NEIL3: variants seen among roughly 807,000 people sequenced by gnomAD.
NEIL3 encodes the protein endonuclease 8-like 3.
In NEIL3, 48 loss-of-function variants were observed where a neutral mutation model predicts 57.5. The ratio of observed to expected loss-of-function variants is 0.83; its 90% CI spans 0.66 to 1.06. NEIL3 has a LOEUF of 1.06. NEIL3 is among the 50% of genes least tolerant of loss of function. The probability of loss-of-function intolerance (pLI) is 0.00; values close to 1 mark genes in which losing one functional copy is unlikely to be tolerated. For missense variants in NEIL3, 717 were observed against 739.1 expected (o/e 0.97, Z 0.35); for synonymous variants, 261 against 253.2 (o/e 1.03, Z -0.29).
the NEIL3 span, among the ~76,000 whole-genome samples, chr4:177,370,315 T>C: frequency 6.6e-6 from 1 of 152,178 alleles, no homozygotes; most frequent in Non-Finnish European, 1.5e-5. Flanking sequence ...TCTTTCTCTC[T>C]CTACTTCTTT....
At chr4:177,336,762 A>G (rs962903962) in intron 4 of NEIL3, among the ~76,000 whole-genome samples, 2 of 152,184 alleles carry the variant, frequency 1.3e-5, no homozygotes, top group East Asian at 3.8e-4. Flanking sequence ...ATATTTGTGG[A>G]ATATGTGAAT....
At chr4:177,328,301 A>G (rs1213201926) in intron 2 of NEIL3, among the ~76,000 whole-genome samples, 5 of 152,232 alleles carry the variant, frequency 3.3e-5, no homozygotes, top group Non-Finnish European at 5.9e-5. Flanking sequence ...AACAGAAGAC[A>G]TCTTTGGATT....
chr4:177,333,492 C>A (rs955992608), intron 2 of NEIL3, among the ~76,000 whole-genome samples: 2 of 152,146 alleles, frequency 1.3e-5, no homozygotes, highest in Non-Finnish European at 2.9e-5. Context: ...TTGACTTTGG[C>A]ACCAAAAACT....
Position 177,322,520 on chromosome 4 carries a change from A to G in NEIL3, c.218A>G (p.Tyr73Cys). 1 of 1,614,020 alleles carries G rather than the reference A, an allele frequency of 6.2e-7. No homozygotes were observed. Reference sequence around the variant, plus strand: ...TTGAGCCTGTTTAATGGATATGTTTACAGTGGCGTGGAAACTTTGGGGAAG... The same window carrying G: ...TTGAGCCTGTTTAATGGATATGTTTGCAGTGGCGTGGAAACTTTGGGGAAG... ...NVLSLFNGYV[Y>C]SGVETLGKEL... Residue 73 changes from tyrosine to cysteine, a missense_variant, in exon 2 of 10, where the codon TAC becomes TGC. Tyr to Cys is a radical substitution (Grantham distance 194). Coordinates refer to ENST00000264596, the MANE Select transcript of NEIL3 (RefSeq NM_018248.3).
chr4:177,319,887 A>G (rs1734645163), intron 1 of NEIL3, among the ~76,000 whole-genome samples: 1 of 152,190 alleles, frequency 6.6e-6, no homozygotes, highest in Middle Eastern at 3.2e-3. Flanking sequence ...ACAAGTTGCT[A>G]GTAAAGAATG....
At chr4:177,338,970 A>C (rs574512880) in intron 4 of NEIL3, among the ~76,000 whole-genome samples, 20 of 152,302 alleles carry the variant, frequency 1.3e-4, no homozygotes, top group Non-Finnish European at 2.5e-4. Flanking sequence ...TTTACAATTA[A>C]AATGTATAAA....
At chr4:177,335,442 T>C (rs1226967062) in intron 2 of NEIL3, among the ~76,000 whole-genome samples, 1 of 152,198 alleles carries the variant, frequency 6.6e-6, no homozygotes, top group Non-Finnish European at 1.5e-5. Flanking sequence ...TACCATATTA[T>C]TTCTTTGAGA....
At chr4:177,348,406 T>A (rs1435372256) in intron 6 of NEIL3, among the ~76,000 whole-genome samples, 1 of 152,112 alleles carries the variant, frequency 6.6e-6, no homozygotes, top group East Asian at 1.9e-4. Context: ...TGGTGGCCTG[T>A]GAGCTCGGAA....
At chr4:177,336,087 G>A (rs766210707) in intron 3 of NEIL3, 21 bp from the exon 4 acceptor site, 4 of 1,565,264 alleles carry the variant, frequency 2.6e-6, no homozygotes, top group Non-Finnish European at 2.6e-6. Flanking sequence ...TGATTAATGT[G>A]TTTTATATTC....
chr4:177,362,348 A>G lies in NEIL3; in HGVS notation c.1695A>G (p.Val565=), dbSNP rs762923738. The G allele has an allele frequency of 3.7e-6, 6 of 1,613,492 alleles. No individual in the cohort carries two copies. The highest frequency in any genetic ancestry group is 4.2e-6 in the Non-Finnish European group (5 of 1,179,760). The stretch of plus-strand genomic sequence containing the variant: ...GCAAGCGTTCCACCATGAAAACAGT[A>G]TTGAAGATTGGACCTAACAATGGAA... ...NHGKRSTMKT[V]LKIGPNNGKN... The change falls in exon 10 of 10, where the codon GTA becomes GTG. Residue 565 remains valine (V), a synonymous_variant. Coordinates refer to ENST00000264596, the MANE Select transcript of NEIL3 (RefSeq NM_018248.3).
chr4:177,363,812 A>G (rs28494887), downstream of NEIL3, among the ~76,000 whole-genome samples: 3,170 of 152,230 alleles, frequency 0.021, 114 homozygotes, highest in African/African-American at 0.071. Context: ...GTGCAGTAGC[A>G]TGATCTTGGC....
chr4:177,317,704 C>T lies in NEIL3; in HGVS notation c.157-4755C>T, dbSNP rs138133012. Among the ~76,000 whole-genome samples the T allele has an allele frequency of 5.5e-4, 79 of 143,670 alleles. No homozygotes were observed. In the East Asian group the frequency reaches 0.016, roughly 30 times the overall value. The allele number at this position is 143,670 out of a possible 152,430, so 94.3% of individuals were successfully genotyped here. On this transcript the variant is annotated intron_variant, in intron 1 of 9. Transcript: ENST00000264596. ...GCAGCCTCCACCTCCTGGGTTCAAG[C>T]GATTCTCCTGCCTCAGCCTCCCAAA...
At chr4:177,353,286 A>G (rs1199956548) in intron 7 of NEIL3, 22 bp from the exon 8 acceptor site, 1 of 1,585,844 alleles carries the variant, frequency 6.3e-7, no homozygotes. Flanking sequence ...ACTATTGCAG[A>G]ATTACTTCTC....
chr4:177,355,105 G>A (rs1735445656), intron 8 of NEIL3, among the ~76,000 whole-genome samples: 2 of 152,038 alleles, frequency 1.3e-5, no homozygotes, highest in Admixed American at 6.6e-5. Flanking sequence ...TCCAACACAG[G>A]ACACATTTCT....
At chr4:177,330,342 T>G (rs1734858251) in intron 2 of NEIL3, among the ~76,000 whole-genome samples, 1 of 152,226 alleles carries the variant, frequency 6.6e-6, no homozygotes. Context: ...AGGAGACAGC[T>G]AAAGCAATGC....
At chr4:177,329,246 T>G (rs77317255) in intron 2 of NEIL3, among the ~76,000 whole-genome samples, 10,918 of 152,086 alleles carry the variant, frequency 0.072, 599 homozygotes, top group East Asian at 0.28. Flanking sequence ...TATATTTAAA[T>G]CAAAGCATAA....
At position 177,351,450 on chromosome 4, in the gene NEIL3, G is replaced by A. The variant is rs1230282085; in HGVS notation, c.940G>A (p.Ala314Thr). 1 of 1,613,776 alleles carries A rather than the reference G, an allele frequency of 6.2e-7. No individual in the cohort carries two copies. Among genetic ancestry groups the A allele is most frequent in the African/African-American group, 1.3e-5 (1 of 74,900 alleles). Residue 314 changes from alanine (A) to threonine (T), a missense_variant, in exon 7 of 10, where the codon GCT becomes ACT. Coordinates refer to ENST00000264596, the MANE Select transcript of NEIL3 (RefSeq NM_018248.3). ...GGTGGATCATGTTATGGACTCCGTG[G>A]CTCGGAAGTCGGAAGAGCACTGGAC... ...SRVDHVMDSV[A>T]RKSEEHWTCV...
chr4:177,331,706 A>G (rs1181037701), intron 2 of NEIL3, among the ~76,000 whole-genome samples: 2 of 152,216 alleles, frequency 1.3e-5, no homozygotes, highest in Non-Finnish European at 2.9e-5. Context: ...CCCAGACACC[A>G]TGTATAGACA....
chr4:177,315,934 C>T (rs1734566229), intron 1 of NEIL3, among the ~76,000 whole-genome samples: 1 of 152,292 alleles, frequency 6.6e-6, no homozygotes, highest in East Asian at 1.9e-4. Context: ...TGTGTCATTT[C>T]AAAACCAAAA....
Sources: allele counts gnomAD v4.1 joint callset (sites outside exome capture counted in the v4.1 genomes callset), GRCh38; gene constraint gnomAD v4.1.1; transcripts MANE v1.5; gene names NCBI Gene and HGNC (gene_info 2026-07-23, HGNC 2026-07-21).